SYT1: variants seen among roughly 807,000 people sequenced by gnomAD.
SYT1 encodes synaptotagmin-1.
Under a neutral mutation model 44.8 loss-of-function variants are expected in SYT1, and 8 were observed. The ratio of observed to expected loss-of-function variants is 0.18; its 90% CI spans 0.10 to 0.32. The LOEUF (loss-of-function observed/expected upper bound fraction) is 0.32, where lower values mean the gene tolerates loss of function less well. Among genes scored for constraint, SYT1 ranks in the 10% least tolerant of loss-of-function variants. SYT1 has a pLI of 1.00. For synonymous variants in SYT1, 154 were observed against 188.8 expected (o/e 0.82, Z 1.51); for missense variants, 286 against 509.3 (o/e 0.56, Z 4.22).
chr12:79,237,505 T>C (rs1876258561), intron 4 of SYT1, among the ~76,000 whole-genome samples: 1 of 152,152 alleles, frequency 6.6e-6, no homozygotes, highest in Non-Finnish European at 1.5e-5. Context: ...CAGTGTGTCA[T>C]GGAAGCTAAA....
intron 3 of SYT1, among the ~76,000 whole-genome samples, chr12:79,169,411 TAGGC>T (rs954957381): frequency 2.6e-5 from 4 of 151,394 alleles, no homozygotes; most frequent in Non-Finnish European, 5.9e-5. Flanking sequence ...TGTAAGAACT[TAGGC>T]AGGGAAAAAA....
chr12:79,445,597 A>G (rs1001283017), intron 10 of SYT1, among the ~76,000 whole-genome samples: 4 of 151,478 alleles, frequency 2.6e-5, no homozygotes, highest in African/African-American at 9.7e-5. Flanking sequence ...AATGTCTGCC[A>G]GTTCCATCCA....
intron 2 of SYT1, among the ~76,000 whole-genome samples, chr12:79,043,187 C>T (rs1050630191): frequency 1.3e-5 from 2 of 150,190 alleles, no homozygotes; most frequent in Non-Finnish European, 3.0e-5. Flanking sequence ...TCCTTGTTGA[C>T]TTTCTGTCTT....
chr12:79,209,153 CACTT>C (rs1468659398), intron 3 of SYT1, among the ~76,000 whole-genome samples: 2 of 152,168 alleles, frequency 1.3e-5, no homozygotes. Flanking sequence ...TCTTGCTTCC[CACTT>C]ACTTCCCTCA....
At chr12:78,950,295 T>A (rs914763320) in intron 1 of SYT1, among the ~76,000 whole-genome samples, 4 of 152,078 alleles carry the variant, frequency 2.6e-5, no homozygotes, top group African/African-American at 9.7e-5. Context: ...AATAACTGCA[T>A]CATAATTCAA....
intron 4 of SYT1, among the ~76,000 whole-genome samples, chr12:79,263,930 T>G (rs1041919111): frequency 5.9e-5 from 9 of 152,054 alleles, no homozygotes; most frequent in Non-Finnish European, 7.4e-5. Flanking sequence ...ACATTTGAAT[T>G]ATGTACACAG....
chr12:79,178,719 T>C (rs1323448993), intron 3 of SYT1, among the ~76,000 whole-genome samples: 1 of 151,612 alleles, frequency 6.6e-6, no homozygotes, highest in Non-Finnish European at 1.5e-5. Flanking sequence ...TTTTCTCCAT[T>C]TCATATGTTT....
intron 3 of SYT1, among the ~76,000 whole-genome samples, chr12:79,202,992 T>C (rs149657522): frequency 6.6e-6 from 1 of 152,174 alleles, no homozygotes; most frequent in East Asian, 1.9e-4. Flanking sequence ...CTTAGACCTA[T>C]TGGGAATCAA....
At chr12:79,061,820 A>G (rs771004023) in intron 3 of SYT1, among the ~76,000 whole-genome samples, 1 of 152,132 alleles carries the variant, frequency 6.6e-6, no homozygotes, top group Non-Finnish European at 1.5e-5. Context: ...TGAAGCTGTA[A>G]TGAGATCATG....
At chr12:79,051,227 C>A (rs565885322) in intron 3 of SYT1, among the ~76,000 whole-genome samples, 2 of 151,288 alleles carry the variant, frequency 1.3e-5, no homozygotes, top group African/African-American at 4.8e-5. Flanking sequence ...TGTCTAATCT[C>A]TAGTAGTTTA....
chr12:78,941,062 TTTC>T (rs1243978637), intron 1 of SYT1, among the ~76,000 whole-genome samples: 17 of 128,568 alleles, frequency 1.3e-4, no homozygotes, highest in African/African-American at 3.8e-4. Context: ...TTTCTTTTTT[TTTC>T]TTTTTTTTTT....
intron 2 of SYT1, among the ~76,000 whole-genome samples, chr12:79,032,221 A>G (rs968175950): frequency 1.9e-4 from 28 of 151,172 alleles, no homozygotes; most frequent in Non-Finnish European, 2.7e-4. Flanking sequence ...CCTTATATGT[A>G]TATACCAGGC....
intron 8 of SYT1, among the ~76,000 whole-genome samples, chr12:79,339,046 A>G (rs562146736): frequency 6.6e-6 from 1 of 152,158 alleles, no homozygotes; most frequent in South Asian, 2.1e-4. Context: ...TATGTGCCGC[A>G]TTTTCTTAAT....
intron 1 of SYT1, among the ~76,000 whole-genome samples, chr12:78,910,461 C>A (rs368037103): frequency 1.3e-5 from 2 of 151,884 alleles, no homozygotes; most frequent in Admixed American, 1.3e-4. Flanking sequence ...TTTTTCTGCC[C>A]TTTTAATTGA....
intron 1 of SYT1, among the ~76,000 whole-genome samples, chr12:78,876,034 T>C (rs1259874433): frequency 2.0e-5 from 3 of 151,714 alleles, no homozygotes; most frequent in African/African-American, 7.2e-5. Context: ...TTTTATCACA[T>C]TCATGACACT....
intron 2 of SYT1, among the ~76,000 whole-genome samples, chr12:79,024,400 C>A (rs1266261263): frequency 6.6e-6 from 1 of 151,768 alleles, no homozygotes; most frequent in East Asian, 1.9e-4. Context: ...TTTATGTTAG[C>A]TGCTGTACTC....
At chr12:79,231,283 T>C (rs904389796) in intron 4 of SYT1, among the ~76,000 whole-genome samples, 3 of 152,198 alleles carry the variant, frequency 2.0e-5, no homozygotes, top group African/African-American at 4.8e-5. Context: ...ACTTGATATC[T>C]TCTGAGTCCA....
chr12:79,050,784 A>G lies in SYT1; in HGVS notation c.-18+3422A>G, dbSNP rs1398860164. On this transcript the variant is annotated intron_variant, in intron 3 of 10. Coordinates refer to ENST00000261205, the MANE Select transcript of SYT1 (RefSeq NM_005639.3). ...CATTAGAGAATAAATATTATTTGCA[A>G]ATATCCCAAATGTTACCTGCAAATG... is the stretch of plus-strand genomic sequence containing the variant. Among the ~76,000 whole-genome samples the G allele has an allele frequency of 9.2e-5, 14 of 152,046 alleles. 1 individual carries two copies. Among genetic ancestry groups the G allele is most frequent in the Non-Finnish European group, 1.8e-4 (12 of 67,974 alleles).
chr12:78,984,742 A>T (rs891871677), intron 2 of SYT1, among the ~76,000 whole-genome samples: 1 of 151,994 alleles, frequency 6.6e-6, no homozygotes. Context: ...TTGGTTCACA[A>T]TAGCTGACAA....
Sources: gnomAD v4.1 joint callset for allele counts (sites outside exome capture counted in the v4.1 genomes callset) on GRCh38, gnomAD v4.1.1 for gene constraint, MANE v1.5 for transcripts, NCBI Gene and HGNC (gene_info 2026-07-23, HGNC 2026-07-21) for gene names.